The following DISC1 variants were observed in gnomAD, a reference collection of about 807,000 sequenced individuals.
The protein encoded by DISC1 is disrupted in schizophrenia 1 protein.
In DISC1, 57 loss-of-function variants were observed where a neutral mutation model predicts 84.5. The ratio of observed to expected loss-of-function variants is 0.67; its 90% CI spans 0.55 to 0.84. The LOEUF (loss-of-function observed/expected upper bound fraction) is 0.84. DISC1 is among the 40% of genes least tolerant of loss of function. The pLI, the probability that DISC1 is intolerant of heterozygous loss-of-function variation, is 0.00. For synonymous variants in DISC1, 411 were observed against 415.2 expected (o/e 0.99, Z 0.12); for missense variants, 1,000 against 1,057.8 (o/e 0.95, Z 0.76).
At position 231,942,648 on chromosome 1, in the gene DISC1, G is replaced by T. The variant is rs559529062; in HGVS notation, c.1982-16180G>T. On this transcript the variant is annotated intron_variant, in intron 9 of 12. Coordinates refer to ENST00000439617, the MANE Select transcript of DISC1 (RefSeq NM_018662.3). ...CCACTGCACTCCAGCCTGGGCAACA[G>T]AGTGAGACTGTCTCAAAAATAAAAT... is the stretch of plus-strand genomic sequence containing the variant. 1.3e-3 allele frequency among the ~76,000 whole-genome samples: 194 copies of T among 152,230 alleles called. 1 individual carries two copies. The highest frequency in any genetic ancestry group is 4.6e-3 in the African/African-American group (192 of 41,542).
chr1:231,708,686 A>C (rs1358129665), intron 3 of DISC1, among the ~76,000 whole-genome samples: 3 of 152,156 alleles, frequency 2.0e-5, no homozygotes, highest in Admixed American at 6.5e-5. Context: ...CCACTCTGTC[A>C]ATTTGTCTCC....
chr1:231,851,102 C>T (rs1239091248), intron 9 of DISC1, among the ~76,000 whole-genome samples: 3 of 152,186 alleles, frequency 2.0e-5, no homozygotes, highest in Non-Finnish European at 4.4e-5. Flanking sequence ...TTACTGAGCG[C>T]TTCTCCTGCA....
chr1:231,680,825 A>C (rs1429230815), intron 1 of DISC1, among the ~76,000 whole-genome samples: 2 of 152,266 alleles, frequency 1.3e-5, no homozygotes, highest in African/African-American at 2.4e-5. Context: ...GAGCATTTAG[A>C]AAGCCATGAA....
intron 3 of DISC1, among the ~76,000 whole-genome samples, chr1:231,734,520 T>TGC (rs1171840963): frequency 6.6e-5 from 10 of 151,894 alleles, no homozygotes; most frequent in Non-Finnish European, 2.9e-5. Flanking sequence ...CACACACGCA[T>TGC]GCGCACACAC....
chr1:231,834,957 G>A (rs556062733), intron 9 of DISC1, among the ~76,000 whole-genome samples: 2 of 152,312 alleles, frequency 1.3e-5, no homozygotes, highest in East Asian at 3.9e-4. Flanking sequence ...GATAAAACGC[G>A]TCTCCTTCAT....
rs2081235327 is a variant in DISC1, at chr1:231,818,310, C to G, written c.1793-19C>G. ...TGTAAAGCTTGTTTTCCCTTCTTCT[C>G]TCCCACAACGTGCTGTAGGAAACCA... On this transcript the variant is annotated intron_variant, in intron 8 of 12. Coordinates refer to ENST00000439617, the MANE Select transcript of DISC1 (RefSeq NM_018662.3). The G allele has an allele frequency of 6.2e-7, 1 of 1,612,234 alleles. No homozygotes were observed. Among genetic ancestry groups the G allele is most frequent in the Admixed American group, 1.7e-5 (1 of 60,006 alleles).
chr1:231,718,436 CT>C (rs11294632), intron 3 of DISC1, among the ~76,000 whole-genome samples: 73,132 of 119,402 alleles, frequency 0.61, 20,455 homozygotes, highest in African/African-American at 0.75. Flanking sequence ...CTTTCTCTCT[CT>C]TTTTTTTTTT....
At chr1:231,809,982 A>G (rs984413249) in intron 8 of DISC1, among the ~76,000 whole-genome samples, 3 of 150,726 alleles carry the variant, frequency 2.0e-5, no homozygotes, top group Non-Finnish European at 2.9e-5. Context: ...ATTTAAAGGT[A>G]ACTTTGTAAA....
chr1:232,013,997 T>G (rs891902653), intron 11 of DISC1, among the ~76,000 whole-genome samples: 5 of 125,162 alleles, frequency 4.0e-5, no homozygotes, highest in Non-Finnish European at 8.4e-5. Flanking sequence ...TCTCCTTTGG[T>G]TCAAAGTACT....
chr1:231,837,458 T>C (rs2082706847), intron 9 of DISC1, among the ~76,000 whole-genome samples: 1 of 152,188 alleles, frequency 6.6e-6, no homozygotes, highest in African/African-American at 2.4e-5. Context: ...TAAAGCAAAT[T>C]CTCCTCTGTC....
chr1:231,636,170 C>T (rs2059182961), intron 1 of DISC1, among the ~76,000 whole-genome samples: 1 of 152,192 alleles, frequency 6.6e-6, no homozygotes, highest in Admixed American at 6.5e-5. Context: ...ATATGCTGCT[C>T]TTCATTCAGA....
intron 7 of DISC1, among the ~76,000 whole-genome samples, chr1:231,797,917 G>C (rs1398488966): frequency 1.3e-5 from 2 of 151,898 alleles, no homozygotes. Flanking sequence ...GAGGTGGATA[G>C]GTGTGTGTGC....
intron 12 of DISC1, among the ~76,000 whole-genome samples, chr1:232,030,563 T>C (rs1472058667): frequency 6.6e-6 from 1 of 152,202 alleles, no homozygotes; most frequent in Non-Finnish European, 1.5e-5. Context: ...TTGGAGTGCA[T>C]GGTGCCCAAT....
In DISC1 at chr1:231,730,152, A is replaced by G. The variant is rs561191811; in HGVS notation, c.1118-19774A>G. Among the ~76,000 whole-genome samples the G allele has an allele frequency of 1.1e-4, 16 of 152,372 alleles. No homozygotes were observed. The South Asian group carries it at 3.3e-3, about 32-fold the overall frequency. On this transcript the variant is annotated intron_variant, in intron 3 of 12. Transcript: ENST00000439617. Reference sequence around the variant, plus strand: ...AATTACTCATGAAAAATCTGTTCACAGGAATGAATTAAATGCCATGTCCAG... The same window carrying G: ...AATTACTCATGAAAAATCTGTTCACGGGAATGAATTAAATGCCATGTCCAG...
chr1:231,649,230 G>C (rs2060407464), intron 1 of DISC1, among the ~76,000 whole-genome samples: 1 of 152,210 alleles, frequency 6.6e-6, no homozygotes, highest in Non-Finnish European at 1.5e-5. Context: ...TGCTTTAAAT[G>C]TGTCCCAGAG....
chr1:231,786,239 T>C (rs1468166441), intron 6 of DISC1, among the ~76,000 whole-genome samples: 1 of 152,236 alleles, frequency 6.6e-6, no homozygotes, highest in Non-Finnish European at 1.5e-5. Flanking sequence ...TATGGGATAG[T>C]AGACCTGGAA....
chr1:231,646,823 T>G (rs1189735430), intron 1 of DISC1, among the ~76,000 whole-genome samples: 1 of 152,236 alleles, frequency 6.6e-6, no homozygotes, highest in Non-Finnish European at 1.5e-5. Context: ...ATGATGAGCA[T>G]TTTTTCATGT....
At chr1:231,759,005 A>G (rs953179203) in intron 4 of DISC1, among the ~76,000 whole-genome samples, 1 of 152,198 alleles carries the variant, frequency 6.6e-6, no homozygotes, top group Non-Finnish European at 1.5e-5. Context: ...AAAATATAAC[A>G]AAGTTTAAAA....
In DISC1 at chr1:231,626,917, G is replaced by T. The variant is rs1448401085; in HGVS notation, c.50G>T (p.Gly17Val). Residue 17 changes from glycine to valine, a missense_variant, in exon 1 of 13, where the codon GGC becomes GTC. Gly to Val is a moderately radical substitution (Grantham distance 109). Coordinates refer to ENST00000439617, the MANE Select transcript of DISC1 (RefSeq NM_018662.3). ...QGAPAAAGGG[G>V]VSHRAGSRDC... ...GCCCCAGCCGCCGCCGGCGGCGGCG[G>T]CGTGAGCCACCGCGCAGGTAGGGGA... is the stretch of plus-strand genomic sequence containing the variant. 1 of 1,504,088 alleles carries T rather than the reference G, an allele frequency of 6.6e-7. No homozygotes were observed. The allele number at this position is 1,504,088 out of a possible 1,614,324, so 93.2% of individuals were successfully genotyped here. A position where few individuals can be genotyped will look rare whatever the true frequency, so the allele number is the denominator to read the frequency against.
Sources: allele counts gnomAD v4.1 joint callset (sites outside exome capture counted in the v4.1 genomes callset), GRCh38; gene constraint gnomAD v4.1.1; transcripts MANE v1.5; gene names NCBI Gene and HGNC (gene_info 2026-07-23, HGNC 2026-07-21).